ESRRG: variants seen among roughly 807,000 people sequenced by gnomAD.
ESRRG encodes estrogen-related receptor gamma.
In ESRRG, 13 loss-of-function variants were observed where a neutral mutation model predicts 44.0. That is an observed-to-expected ratio of 0.30 (90% confidence interval 0.19 to 0.47). The LOEUF is 0.47. Among genes scored for constraint, ESRRG ranks in the 20% least tolerant of loss-of-function variants. The probability of loss-of-function intolerance (pLI) is 1.00; values close to 1 mark genes in which losing one functional copy is unlikely to be tolerated. For synonymous variants in ESRRG, 215 were observed against 214.6 expected (o/e 1.00, Z -0.02); for missense variants, 395 against 580.6 (o/e 0.68, Z 3.29).
intron 1 of ESRRG, among the ~76,000 whole-genome samples, chr1:216,702,741 C>T (rs1003774754): frequency 1.4e-4 from 20 of 145,216 alleles, no homozygotes; most frequent in Non-Finnish European, 4.5e-5. Flanking sequence ...CACGCCACTG[C>T]ACTCCAGCCT....
Position 217,066,242 on chromosome 1 carries a change from T to A in ESRRG, c.-106+23265A>T, listed in dbSNP as rs555371930. Among the ~76,000 whole-genome samples the A allele has an allele frequency of 2.7e-5, 4 of 147,122 alleles. No homozygotes were observed. The South Asian group carries it at 8.9e-4, about 33-fold the overall frequency. ...GTATTCTATATCCCATGGGGAGAAT[T>A]CCTTTTTCTTTTCTTTTTTTTTTTT... On this transcript the variant is annotated intron_variant, in intron 1 of 7. Transcript: ENST00000359162.
chr1:217,113,904 G>T (rs569832005), intron 1 of ESRRG, among the ~76,000 whole-genome samples: 9 of 152,126 alleles, frequency 5.9e-5, no homozygotes, highest in Non-Finnish European at 1.2e-4. Context: ...GAGGCAGGAG[G>T]ATTGCCTAAG....
intron 1 of ESRRG, among the ~76,000 whole-genome samples, chr1:216,992,859 C>T (rs1166218515): frequency 1.3e-5 from 2 of 152,172 alleles, no homozygotes; most frequent in African/African-American, 4.8e-5. Flanking sequence ...CCAGATGCCT[C>T]ATTATGTCCT....
At chr1:216,769,374 C>A (rs1162359883) in intron 2 of ESRRG, among the ~76,000 whole-genome samples, 1 of 152,020 alleles carries the variant, frequency 6.6e-6, no homozygotes, top group Admixed American at 6.6e-5. Context: ...ACATAAGTAA[C>A]CATGAAGAGA....
intron 1 of ESRRG, among the ~76,000 whole-genome samples, chr1:216,690,661 T>C (rs78845253): frequency 0.037 from 5,664 of 152,240 alleles, 128 homozygotes; most frequent in East Asian, 0.085. Flanking sequence ...AACTATGCAT[T>C]ACCAGAAGTT....
At chr1:216,836,287 C>T (rs1045738452) in intron 2 of ESRRG, among the ~76,000 whole-genome samples, 3 of 152,038 alleles carry the variant, frequency 2.0e-5, no homozygotes, top group Admixed American at 2.0e-4. Context: ...CTCTAGTTTC[C>T]TTTCTGTTAT....
intron 3 of ESRRG, among the ~76,000 whole-genome samples, chr1:216,640,886 C>T (rs1033165197): frequency 6.6e-6 from 1 of 152,118 alleles, no homozygotes; most frequent in African/African-American, 2.4e-5. Context: ...AAACAGAGTC[C>T]TATATGGTTC....
chr1:216,534,533 T>G (rs1404538053), intron 5 of ESRRG, among the ~76,000 whole-genome samples: 1 of 152,102 alleles, frequency 6.6e-6, no homozygotes, highest in South Asian at 2.1e-4. Context: ...CAACAAAAAT[T>G]CATGCTGAAA....
At chr1:216,723,738 T>C, upstream of ESRRG, among the ~76,000 whole-genome samples, 1 of 152,056 alleles carries the variant, frequency 6.6e-6, no homozygotes, top group East Asian at 1.9e-4. Context: ...TCTCTTTCTT[T>C]TTTTTTTCTT....
intron 2 of ESRRG, among the ~76,000 whole-genome samples, chr1:216,908,847 T>C (rs1031040710): frequency 6.8e-6 from 1 of 146,632 alleles, no homozygotes; most frequent in Non-Finnish European, 1.5e-5. Flanking sequence ...AAAAAAAACA[T>C]AGAGCATCCT....
intron 2 of ESRRG, among the ~76,000 whole-genome samples, chr1:216,660,739 C>G (rs207461123): frequency 6.6e-6 from 1 of 152,118 alleles, no homozygotes; most frequent in Non-Finnish European, 1.5e-5. Flanking sequence ...TTGCTGTTGT[C>G]AGACTTATGG....
intron 3 of ESRRG, among the ~76,000 whole-genome samples, chr1:216,623,994 C>T (rs1574303065): frequency 6.6e-6 from 1 of 152,114 alleles, no homozygotes; most frequent in East Asian, 1.9e-4. Context: ...AAGTCCATAC[C>T]TAAGACCAAT....
chr1:216,994,697 T>G (rs2076155865), intron 1 of ESRRG, among the ~76,000 whole-genome samples: 2 of 152,058 alleles, frequency 1.3e-5, no homozygotes, highest in South Asian at 4.1e-4. Context: ...TTCTCCTGCC[T>G]CAGCCTCCGG....
At chr1:216,590,045 G>C (rs937453913) in intron 3 of ESRRG, among the ~76,000 whole-genome samples, 2 of 151,076 alleles carry the variant, frequency 1.3e-5, no homozygotes, top group African/African-American at 2.4e-5. Flanking sequence ...AAACTTAAAA[G>C]TGAGTATCTT....
intron 2 of ESRRG, among the ~76,000 whole-genome samples, chr1:216,918,682 T>G (rs922881743): frequency 2.6e-5 from 4 of 151,988 alleles, no homozygotes; most frequent in Non-Finnish European, 5.9e-5. Flanking sequence ...AGTGATAAAC[T>G]GATTGTGCTT....
intron 2 of ESRRG, among the ~76,000 whole-genome samples, chr1:216,912,938 A>T (rs181915245): frequency 1.2e-3 from 185 of 152,064 alleles, no homozygotes; most frequent in Non-Finnish European, 2.2e-3. Flanking sequence ...CCTGGCCAAC[A>T]TGATGAAACC....
At chr1:216,564,634 C>T (rs11572780) in intron 4 of ESRRG, among the ~76,000 whole-genome samples, 5 of 151,846 alleles carry the variant, frequency 3.3e-5, no homozygotes, top group Non-Finnish European at 7.4e-5. Context: ...TGGAATGAAG[C>T]GTCTGTCCTG....
intron 2 of ESRRG, among the ~76,000 whole-genome samples, chr1:216,840,349 A>G (rs1054951522): frequency 6.6e-6 from 1 of 152,120 alleles, no homozygotes; most frequent in African/African-American, 2.4e-5. Context: ...CTCAGCCTTC[A>G]CAGAATTGAA....
At chr1:216,674,395 G>A (rs1023920827) in intron 2 of ESRRG, among the ~76,000 whole-genome samples, 4 of 152,116 alleles carry the variant, frequency 2.6e-5, no homozygotes, top group African/African-American at 7.2e-5. Context: ...TCCAGTAAAT[G>A]AAAGATTTTT....
Sources: allele counts gnomAD v4.1 joint callset (sites outside exome capture counted in the v4.1 genomes callset), GRCh38; gene constraint gnomAD v4.1.1; transcripts MANE v1.5; gene names NCBI Gene and HGNC (gene_info 2026-07-23, HGNC 2026-07-21).